Variants in NIPA1 observed in about 807,000 individuals in gnomAD.
NIPA1 encodes the protein NIPA magnesium transporter 1.
A neutral mutation model predicts 23.9 loss-of-function variants in NIPA1; 13 were observed. The observed-to-expected ratio is 0.54, with a 90% CI of 0.35 to 0.87. The LOEUF is 0.87. NIPA1 is among the 40% of genes least tolerant of loss of function. The probability of loss-of-function intolerance (pLI) is 0.01; values close to 1 mark genes in which losing one functional copy is unlikely to be tolerated. For missense variants in NIPA1, 362 were observed against 429.7 expected, an observed-to-expected ratio of 0.84 and a Z score of 1.39; for synonymous variants, 234 against 202.9, an observed-to-expected ratio of 1.15 and a Z score of -1.30.
In NIPA1 at chr15:22,795,939, ATTT is replaced by A. The variant is rs199614340; in HGVS notation, c.178+9113_178+9115del. ...AGATAAATCCACCTACAGATAAGGC[ATTT>A]TTTTTTTAAGACAGGGTCTTTTTCC... On this transcript the variant is annotated intron_variant, in intron 1 of 4. Transcript: ENST00000337435. Among the ~76,000 whole-genome samples, 22 of 148,840 alleles carry A rather than the reference ATTT, an allele frequency of 1.5e-4. 1 individual carries two copies. Among genetic ancestry groups the A allele is most frequent in the Non-Finnish European group, 2.8e-4 (19 of 66,958 alleles).
intron 1 of NIPA1, among the ~76,000 whole-genome samples, chr15:22,803,675 A>ATTGTTTTT (rs1895137091): frequency 1.4e-5 from 1 of 71,090 alleles, no homozygotes; most frequent in African/African-American, 6.6e-5. Flanking sequence ...GGCCCGGCTA[A>ATTGTTTTT]TTTTTTTTTT....
chr15:22,820,471 C>T lies in NIPA1; in HGVS notation c.476C>T (p.Pro159Leu). The T allele has an allele frequency of 6.2e-7, 1 of 1,612,820 alleles. No individual in the cohort carries two copies. Among genetic ancestry groups the T allele is most frequent in the South Asian group, 1.1e-5 (1 of 91,046 alleles). ...QAELEEKLTN[P>L]VFVGYLCIVL... ...GAGCTGGAGGAAAAGCTGACCAATC[C>T]AGGTAATTCCTTTCTAGCAGCACTG... The change falls in exon 4 of 5, where the codon CCA (proline) becomes CTA (leucine). Residue 159 changes from proline (P) to leucine (L), a missense_variant and splice_region_variant. By Grantham distance (98) the Pro-to-Leu change is moderately conservative. This residue lies in a region of NIPA1 where 277 missense variants were observed against 372.0 expected (regional missense o/e 0.74). Coordinates refer to ENST00000337435, the MANE Select transcript of NIPA1 (RefSeq NM_144599.5).
intron 1 of NIPA1, among the ~76,000 whole-genome samples, chr15:22,787,157 C>T (rs1894726046): frequency 6.6e-6 from 1 of 152,032 alleles, no homozygotes; most frequent in Admixed American, 6.5e-5. Context: ...GACTTTTTCC[C>T]TCGGTCCAAG....
chr15:22,818,356 A>G (rs1895467268), intron 3 of NIPA1, among the ~76,000 whole-genome samples: 1 of 151,992 alleles, frequency 6.6e-6, no homozygotes, highest in African/African-American at 2.4e-5. Flanking sequence ...GAATTGTTTG[A>G]CCTCAGGAGG....
At chr15:22,804,438 G>A (rs114222615) in intron 1 of NIPA1, among the ~76,000 whole-genome samples, 260 of 152,218 alleles carry the variant, frequency 1.7e-3, no homozygotes, top group African/African-American at 4.6e-3. Flanking sequence ...TCCTCTTGAG[G>A]AGCACGAATG....
At position 22,825,531 on chromosome 15, in the gene NIPA1, C is replaced by T. The variant is rs1310159977; in HGVS notation, c.*1292C>T. The T allele has an allele frequency of 6.6e-6, 1 of 152,102 alleles. No homozygotes were observed. Among genetic ancestry groups the T allele is most frequent in the East Asian group, 1.9e-4 (1 of 5,196 alleles). The allele number at this position is 152,102 out of a possible 1,614,324, so 9.4% of individuals were successfully genotyped here. A position where few individuals can be genotyped will look rare whatever the true frequency, so the allele number is the denominator to read the frequency against. On this transcript the variant is annotated 3_prime_UTR_variant, in exon 5 of 5. Coordinates refer to ENST00000337435, the MANE Select transcript of NIPA1 (RefSeq NM_144599.5). ...CCTGGGATCCAGTATCAAATATATC[C>T]ACATTCTTTATCAGCAAGCATTCAT...
chr15:22,798,332 C>T (rs1447172258), intron 1 of NIPA1, among the ~76,000 whole-genome samples: 2 of 148,920 alleles, frequency 1.3e-5, no homozygotes, highest in Admixed American at 6.7e-5. Context: ...CTCCGCTTCC[C>T]GGGTTCACAC....
In NIPA1 at chr15:22,807,799, T is replaced by TGTGTGTGTGTGTGTGTGA. The variant is rs140818178; in HGVS notation, c.179-2945_179-2944insTGTGTGTGTGTGAGTGTG. 4.5e-4 allele frequency among the ~76,000 whole-genome samples: 68 copies of TGTGTGTGTGTGTGTGTGA among 151,918 alleles called. 3 individuals carry two copies. Among genetic ancestry groups the TGTGTGTGTGTGTGTGTGA allele is most frequent in the African/African-American group, 1.6e-3 (67 of 41,274 alleles). ...AAATTCACTTGTGTGTGTGTGTGTG[T>TGTGTGTGTGTGTGTGTGA]GTGTGATGGAGTCTCTCTCTGTTGC... On this transcript the variant is annotated intron_variant, in intron 1 of 4. Transcript: ENST00000337435.
At chr15:22,815,109 T>A (rs921295113) in intron 3 of NIPA1, among the ~76,000 whole-genome samples, 1 of 151,674 alleles carries the variant, frequency 6.6e-6, no homozygotes, top group Non-Finnish European at 1.5e-5. Context: ...TTCCTGTTTT[T>A]AAAAAAAAAT....
intron 1 of NIPA1, among the ~76,000 whole-genome samples, chr15:22,807,299 A>G (rs567447259): frequency 1.3e-5 from 2 of 152,298 alleles, no homozygotes; most frequent in South Asian, 2.1e-4. Flanking sequence ...GGGGGTGCCT[A>G]TGGGCCTCAT....
At position 22,810,757 on chromosome 15, in the gene NIPA1, T is replaced by C; in HGVS notation, c.187T>C (p.Tyr63His). The stretch of plus-strand genomic sequence containing the variant: ...TATCTCATTTTTTATAGGTACTTCC[T>C]ATTTAACAGACATTGTGTGGTGGGC... ...IVRAKRRGTS[Y>H]LTDIVWWAGT... The change falls in exon 2 of 5, where the codon TAT becomes CAT. Residue 63 changes from tyrosine to histidine, a missense_variant. Transcript: ENST00000337435. 1 of 1,607,070 alleles carries C rather than the reference T, an allele frequency of 6.2e-7. No individual in the cohort carries two copies. Among genetic ancestry groups the C allele is most frequent in the Non-Finnish European group, 8.5e-7 (1 of 1,173,504 alleles).
Position 22,808,309 on chromosome 15 carries a change from C to T in NIPA1, c.179-2440C>T, listed in dbSNP as rs564738660. ...CCCACCATGGGACATTCTTAAGCTT[C>T]GCTAAACTTTCTGCTTCATAGGACA... On this transcript the variant is annotated intron_variant, in intron 1 of 4. Transcript: ENST00000337435. 1.7e-3 allele frequency among the ~76,000 whole-genome samples: 266 copies of T among 152,328 alleles called. 2 individuals carry two copies. Among genetic ancestry groups the T allele is most frequent in the African/African-American group, 6.0e-3 (250 of 41,574 alleles).
Position 22,827,712 on chromosome 15 carries a change from G to C in NIPA1, c.*3473G>C, listed in dbSNP as rs1895679602. On this transcript the variant is annotated 3_prime_UTR_variant, in exon 5 of 5. Coordinates refer to ENST00000337435, the MANE Select transcript of NIPA1 (RefSeq NM_144599.5). ...TGGTAGAAGTGAGCACTGTTCACTT[G>C]TGCAGTCGTCTTATTTTCCTTCTTC... 1 of 152,122 alleles carries C rather than the reference G, an allele frequency of 6.6e-6. No individual in the cohort carries two copies. Among genetic ancestry groups the C allele is most frequent in the African/African-American group, 2.4e-5 (1 of 41,400 alleles). 9.4% of individuals were successfully genotyped at this position (152,122 alleles called of 1,614,324 possible).
chr15:22,819,158 A>G (rs1469366495), intron 3 of NIPA1: 2 of 152,214 alleles, frequency 1.3e-5, no homozygotes, highest in African/African-American at 4.8e-5. Context: ...GTGAAGTGGT[A>G]CAAGGGAAAA....
chr15:22,801,612 G>C (rs1895083130), intron 1 of NIPA1, among the ~76,000 whole-genome samples: 1 of 150,460 alleles, frequency 6.6e-6, no homozygotes, highest in African/African-American at 2.5e-5. Context: ...ACCTCCCGGG[G>C]TTCAAGCAGT....
At position 22,824,011 on chromosome 15, in the gene NIPA1, C is replaced by A; in HGVS notation, c.762C>A (p.Cys254Ter). Reference protein sequence around the residue: ...QFRYINKALECFDSSVFGAIY... With the variant: ...QFRYINKALE ...GGTACATCAACAAGGCGCTGGAGTG[C>A]TTCGACTCCTCGGTGTTCGGGGCCA... The change falls in exon 5 of 5, where the codon TGC becomes TGA. Residue 254 changes from cysteine to a stop codon, truncating the protein, a stop_gained. Transcript: ENST00000337435. LOFTEE classifies it high-confidence loss of function. The surrounding 1 kb of genome is among the most constrained non-coding windows in gnomAD (Gnocchi z 4.1). The A allele has an allele frequency of 6.2e-7, 1 of 1,614,150 alleles. No homozygotes were observed. The highest frequency in any genetic ancestry group is 8.5e-7 in the Non-Finnish European group (1 of 1,179,982).
intron 1 of NIPA1, among the ~76,000 whole-genome samples, chr15:22,800,171 A>C (rs1369351348): frequency 1.3e-5 from 2 of 151,824 alleles, no homozygotes; most frequent in Non-Finnish European, 2.9e-5. Context: ...ACTCAACCAC[A>C]ACAACAACAA....
chr15:22,789,285 C>T (rs764818887), intron 1 of NIPA1, among the ~76,000 whole-genome samples: 7 of 152,070 alleles, frequency 4.6e-5, no homozygotes, highest in Non-Finnish European at 1.0e-4. Context: ...CACCAACACT[C>T]GGCCTATATT....
At chr15:22,807,599 A>G (rs1383736214) in intron 1 of NIPA1, among the ~76,000 whole-genome samples, 1 of 152,174 alleles carries the variant, frequency 6.6e-6, no homozygotes, top group Non-Finnish European at 1.5e-5. Flanking sequence ...AAAGAAAAAA[A>G]AAATCTAAAA....
Sources: allele counts gnomAD v4.1 joint callset (sites outside exome capture counted in the v4.1 genomes callset), GRCh38; gene constraint gnomAD v4.1.1; regional missense constraint gnomAD v4.1.1; non-coding constraint Gnocchi (gnomAD v3.1); transcripts MANE v1.5; gene names NCBI Gene and HGNC (gene_info 2026-07-23, HGNC 2026-07-21).